LRRC4C: variants seen among roughly 807,000 people sequenced by gnomAD.
LRRC4C encodes the protein leucine-rich repeat-containing protein 4C.
A neutral mutation model predicts 33.6 loss-of-function variants in LRRC4C; 5 were observed. The observed-to-expected ratio is 0.15, with a 90% CI of 0.08 to 0.31. The LOEUF is 0.31. Among genes scored for constraint, LRRC4C ranks in the 10% least tolerant of loss-of-function variants. The probability of loss-of-function intolerance (pLI) is 1.00; values close to 1 mark genes in which losing one functional copy is unlikely to be tolerated. For synonymous variants in LRRC4C, 329 were observed against 302.0 expected (o/e 1.09, Z -0.93); for missense variants, 560 against 796.7 (o/e 0.70, Z 3.58).
At chr11:41,205,276 T>C (rs1336602139) in intron 1 of LRRC4C, among the ~76,000 whole-genome samples, 1 of 152,178 alleles carries the variant, frequency 6.6e-6, no homozygotes, top group African/African-American at 2.4e-5. Context: ...AGAAAACCAA[T>C]GAACATATTA....
chr11:40,407,505 T>G (rs982035233), intron 3 of LRRC4C, among the ~76,000 whole-genome samples: 1 of 152,096 alleles, frequency 6.6e-6, no homozygotes, highest in Admixed American at 6.6e-5. Context: ...AAGTCATCAG[T>G]TTAATGAGGG....
At chr11:41,304,602 G>A (rs371071903) in intron 1 of LRRC4C, among the ~76,000 whole-genome samples, 2,244 of 87,824 alleles carry the variant, frequency 0.026, 195 homozygotes, top group Admixed American at 0.094. Flanking sequence ...CCGGCCAGCC[G>A]CCCCGTCTGG....
At chr11:40,629,877 A>T (rs1018040715) in intron 3 of LRRC4C, among the ~76,000 whole-genome samples, 1 of 152,188 alleles carries the variant, frequency 6.6e-6, no homozygotes, top group African/African-American at 2.4e-5. Flanking sequence ...GCATGGACAT[A>T]CAGATAGATA....
intron 2 of LRRC4C, among the ~76,000 whole-genome samples, chr11:40,865,121 T>C (rs1174465645): frequency 6.6e-6 from 1 of 152,106 alleles, no homozygotes; most frequent in Admixed American, 6.6e-5. Flanking sequence ...ATCCTATAAT[T>C]TGTAACAACA....
chr11:40,500,449 C>T (rs1467241916), intron 3 of LRRC4C, among the ~76,000 whole-genome samples: 1 of 151,602 alleles, frequency 6.6e-6, no homozygotes, highest in African/African-American at 2.4e-5. Context: ...TTCAAAAAGA[C>T]ATACCTGAGA....
chr11:41,404,533 CAG>C (rs1394390209), intron 1 of LRRC4C, among the ~76,000 whole-genome samples: 12 of 66,904 alleles, frequency 1.8e-4, no homozygotes, highest in African/African-American at 6.6e-4. Context: ...CAAAGACACA[CAG>C]ACACACACAC....
chr11:40,148,331 C>A (rs1166230592), intron 5 of LRRC4C, among the ~76,000 whole-genome samples: 3 of 152,204 alleles, frequency 2.0e-5, no homozygotes, highest in Non-Finnish European at 4.4e-5. Context: ...TTCTCCACAA[C>A]CTCACTGACA....
At chr11:40,604,202 G>A (rs7939301) in intron 3 of LRRC4C, among the ~76,000 whole-genome samples, 66,017 of 151,784 alleles carry the variant, frequency 0.43, 15,361 homozygotes, top group Middle Eastern at 0.58. Context: ...CATAAATATT[G>A]CCTAAAACTT....
Position 41,107,991 on chromosome 11 carries a change from AGAG to A in LRRC4C, c.-495-174271_-495-174269del, listed in dbSNP as rs1941612937. 1.2e-4 allele frequency among the ~76,000 whole-genome samples: 17 copies of A among 145,248 alleles called. No individual in the cohort carries two copies. In the Admixed American group the frequency reaches 1.2e-3, roughly 10 times the overall value. Reference sequence around the variant, plus strand: ...GGGGAGAGGGGAGAGGGGAGAGGGGAGAGGGGAGAGTAGAGAGGAGAGAGGAGA... The same window carrying A: ...GGGGAGAGGGGAGAGGGGAGAGGGGAGGGAGAGTAGAGAGGAGAGAGGAGA... On this transcript the variant is annotated intron_variant, in intron 1 of 6. Transcript: ENST00000528697.
chr11:40,349,063 A>AT (rs1390849897), intron 3 of LRRC4C, among the ~76,000 whole-genome samples: 3 of 152,160 alleles, frequency 2.0e-5, no homozygotes, highest in Non-Finnish European at 4.4e-5. Context: ...AGCATTTATT[A>AT]TTTTTTGTGT....
intron 1 of LRRC4C, among the ~76,000 whole-genome samples, chr11:41,237,259 A>T (rs928895441): frequency 2.6e-5 from 4 of 152,204 alleles, no homozygotes; most frequent in Non-Finnish European, 5.9e-5. Context: ...ACCAAAGGAA[A>T]AACAAATGAT....
intron 5 of LRRC4C, among the ~76,000 whole-genome samples, chr11:40,223,830 G>C (rs1864593077): frequency 6.6e-6 from 1 of 152,154 alleles, no homozygotes; most frequent in South Asian, 2.1e-4. Flanking sequence ...TACTTTTGCA[G>C]AACTAATTAT....
Position 40,218,362 on chromosome 11 carries a change from G to A in LRRC4C, c.-96+23157C>T, listed in dbSNP as rs74756931. Reference sequence around the variant, plus strand: ...GCTAGGGCAAGAAGAGGCCTAAGAAGGGTTATGGTCATAAATGTTGCTCAA... The same window carrying A: ...GCTAGGGCAAGAAGAGGCCTAAGAAAGGTTATGGTCATAAATGTTGCTCAA... On this transcript the variant is annotated intron_variant, in intron 5 of 6. Transcript: ENST00000528697. 2.1e-3 allele frequency among the ~76,000 whole-genome samples: 315 copies of A among 152,176 alleles called. 2 individuals carry two copies. The highest frequency in any genetic ancestry group is 7.3e-3 in the African/African-American group (303 of 41,548).
At chr11:41,051,236 T>C (rs1858184261) in intron 1 of LRRC4C, among the ~76,000 whole-genome samples, 1 of 152,162 alleles carries the variant, frequency 6.6e-6, no homozygotes, top group Non-Finnish European at 1.5e-5. Context: ...TGTTGGTGGC[T>C]TTACTGACCT....
intron 5 of LRRC4C, among the ~76,000 whole-genome samples, chr11:40,211,094 A>C (rs181176115): frequency 3.3e-4 from 50 of 152,312 alleles, no homozygotes; most frequent in Non-Finnish European, 1.8e-4. Context: ...ACCATATCTT[A>C]TCATGCAACA....
At chr11:41,081,600 C>A (rs1468972206) in intron 1 of LRRC4C, among the ~76,000 whole-genome samples, 1 of 152,084 alleles carries the variant, frequency 6.6e-6, no homozygotes, top group Non-Finnish European at 1.5e-5. Flanking sequence ...TGCAGGGAGA[C>A]CTTATGTTAA....
intron 2 of LRRC4C, among the ~76,000 whole-genome samples, chr11:40,898,558 CA>C (rs1211803081): frequency 1.3e-5 from 2 of 150,992 alleles, no homozygotes; most frequent in Non-Finnish European, 2.9e-5. Flanking sequence ...TACACACTCA[CA>C]AAAAGAAAAG....
chr11:40,170,746 T>C (rs1048114605), intron 5 of LRRC4C, among the ~76,000 whole-genome samples: 2 of 152,180 alleles, frequency 1.3e-5, no homozygotes, highest in Non-Finnish European at 2.9e-5. Context: ...ACCTGTGAAT[T>C]TACACTTCTG....
intron 1 of LRRC4C, among the ~76,000 whole-genome samples, chr11:41,105,175 T>A (rs1338205661): frequency 6.6e-6 from 1 of 151,968 alleles, no homozygotes; most frequent in Admixed American, 6.6e-5. Flanking sequence ...TTTTCCCCCA[T>A]ATATTGGTTT....
Sources: gnomAD v4.1 joint callset for allele counts (sites outside exome capture counted in the v4.1 genomes callset) on GRCh38, gnomAD v4.1.1 for gene constraint, MANE v1.5 for transcripts, NCBI Gene and HGNC (gene_info 2026-07-23, HGNC 2026-07-21) for gene names.